CHRNA7: variants seen among roughly 807,000 people sequenced by gnomAD.
CHRNA7 encodes the protein cholinergic receptor nicotinic alpha 7 subunit, also known as neuronal acetylcholine receptor subunit alpha-7.
In CHRNA7, 17 loss-of-function variants were observed where a neutral mutation model predicts 48.0. That is an observed-to-expected ratio of 0.35 (90% CI 0.24 to 0.53). The LOEUF (loss-of-function observed/expected upper bound fraction) is 0.53. Among genes scored for constraint, CHRNA7 ranks in the 20% least tolerant of loss-of-function variants. The pLI, the probability that CHRNA7 is intolerant of heterozygous loss-of-function variation, is 0.92. For missense variants in CHRNA7, 155 were observed against 577.7 expected (o/e 0.27, Z 7.50); for synonymous variants, 75 against 242.3 (o/e 0.31, Z 6.41).
In CHRNA7 at chr15:32,111,779, G is replaced by T. The variant is rs1365914503; in HGVS notation, c.241-11G>T. ...GAAGTGAAGTGCTGCTAATGTCATT[G>T]TGTGTGTCAGTCTTGGACAGATCAC... On this transcript the variant is annotated splice_polypyrimidine_tract_variant and intron_variant, in intron 3 of 9. Transcript: ENST00000306901. The T allele has an allele frequency of 1.3e-6, 2 of 1,531,114 alleles. No individual in the cohort carries two copies. 94.8% of individuals were successfully genotyped at this position (1,531,114 alleles called of 1,614,324 possible).
chr15:32,076,211 C>T (rs2050133961), intron 2 of CHRNA7, among the ~76,000 whole-genome samples: 1 of 152,068 alleles, frequency 6.6e-6, no homozygotes. Flanking sequence ...TTGTCTGTAT[C>T]CTTGCTGATT....
At chr15:32,142,739 G>T (rs1366321951) in intron 4 of CHRNA7, among the ~76,000 whole-genome samples, 1 of 152,090 alleles carries the variant, frequency 6.6e-6, no homozygotes, top group Admixed American at 6.5e-5. Context: ...ACAGTATTTT[G>T]TATTTCTGTG....
chr15:32,135,261 A>T (rs1049150345), intron 4 of CHRNA7, among the ~76,000 whole-genome samples: 1 of 152,238 alleles, frequency 6.6e-6, no homozygotes, highest in African/African-American at 2.4e-5. Flanking sequence ...TTATTTTCAG[A>T]AAACAGGTAA....
At chr15:32,031,615 C>G (rs896247970) in intron 2 of CHRNA7, among the ~76,000 whole-genome samples, 1 of 152,176 alleles carries the variant, frequency 6.6e-6, no homozygotes, top group Non-Finnish European at 1.5e-5. Flanking sequence ...GAGTCCTGCT[C>G]CGAGGACTCA....
At chr15:32,139,345 A>G (rs1467710961) in intron 4 of CHRNA7, among the ~76,000 whole-genome samples, 3 of 152,252 alleles carry the variant, frequency 2.0e-5, no homozygotes, top group Non-Finnish European at 2.9e-5. Context: ...TTTCTGTGTG[A>G]ACACACGTTT....
At chr15:32,102,137 T>G (rs1383903679) in intron 3 of CHRNA7, 2 of 152,152 alleles carry the variant, frequency 1.3e-5, no homozygotes, top group African/African-American at 4.8e-5. Context: ...TTTGTTTGTT[T>G]GTTTGTTCGT....
chr15:32,119,695 A>G (rs796410662), intron 4 of CHRNA7, among the ~76,000 whole-genome samples: 2 of 151,968 alleles, frequency 1.3e-5, no homozygotes, highest in African/African-American at 4.8e-5. Context: ...CCATCAGGTG[A>G]TTTTGTCCAG....
At chr15:32,051,231 G>A (rs2049668528) in intron 2 of CHRNA7, among the ~76,000 whole-genome samples, 1 of 151,772 alleles carries the variant, frequency 6.6e-6, no homozygotes, top group Non-Finnish European at 1.5e-5. Context: ...CTTTTTGTTT[G>A]TCTGTGCCCT....
chr15:32,073,341 A>G (rs796537772), intron 2 of CHRNA7, among the ~76,000 whole-genome samples: 5 of 152,352 alleles, frequency 3.3e-5, no homozygotes, highest in African/African-American at 1.2e-4. Flanking sequence ...TGTTTACCAA[A>G]TGCCTGTACC....
At chr15:32,120,731 G>A (rs2050954111) in intron 4 of CHRNA7, among the ~76,000 whole-genome samples, 1 of 152,104 alleles carries the variant, frequency 6.6e-6, no homozygotes, top group Admixed American at 6.5e-5. Flanking sequence ...CCAGTCCACG[G>A]AGCAGCTCCC....
intron 4 of CHRNA7, among the ~76,000 whole-genome samples, chr15:32,137,032 AAAAAAAAAAAAAAAG>A (rs1288088917): frequency 1.9e-5 from 1 of 52,756 alleles, no homozygotes; most frequent in Non-Finnish European, 3.5e-5. Flanking sequence ...ACTCCGTCTC[AAAAAAAAAAAAAAAG>A]AAAAAAAAAA....
At chr15:32,037,322 A>C (rs1448916372) in intron 2 of CHRNA7, among the ~76,000 whole-genome samples, 1 of 152,178 alleles carries the variant, frequency 6.6e-6, no homozygotes, top group Non-Finnish European at 1.5e-5. Flanking sequence ...CACAGTCTTG[A>C]TTACTATAGC....
chr15:32,039,339 A>T (rs1360739368), intron 2 of CHRNA7, among the ~76,000 whole-genome samples: 5 of 152,112 alleles, frequency 3.3e-5, no homozygotes, highest in African/African-American at 1.2e-4. Context: ...CTAAAGTAGA[A>T]GCTTAGAATA....
chr15:32,045,208 GTTTTT>G (rs2049519401), intron 2 of CHRNA7, among the ~76,000 whole-genome samples: 3 of 152,178 alleles, frequency 2.0e-5, no homozygotes, highest in South Asian at 4.2e-4. Flanking sequence ...TTGTGCCTCT[GTTTTT>G]ATTAGTGATG....
intron 4 of CHRNA7, among the ~76,000 whole-genome samples, chr15:32,127,443 A>G (rs1225517594): frequency 6.6e-6 from 1 of 152,122 alleles, no homozygotes; most frequent in Non-Finnish European, 1.5e-5. Flanking sequence ...GTAATTCCGC[A>G]TCCTCCCCAG....
At chr15:32,129,918 G>A (rs757211491) in intron 4 of CHRNA7, among the ~76,000 whole-genome samples, 8 of 151,864 alleles carry the variant, frequency 5.3e-5, no homozygotes, top group Non-Finnish European at 1.2e-4. Flanking sequence ...ATTCAGTTCA[G>A]TGTATTTTTT....
intron 2 of CHRNA7, among the ~76,000 whole-genome samples, chr15:32,078,574 C>T (rs543077780): frequency 5.3e-5 from 8 of 151,676 alleles, no homozygotes; most frequent in Middle Eastern, 3.4e-3. Flanking sequence ...CACATACACC[C>T]TCCCAAGACT....
rs1901801592 is a variant in CHRNA7 at position 32,030,947 on chromosome 15, G to A, written c.105G>A (p.Lys35=). ...FQRKLYKELV[K]NYNPLERPVA... is the part of the protein sequence containing the mutation. ...GGAAGCTTTACAAGGAGCTGGTCAAGAACTACAATCCCTTGGAGAGGCCCG... is the reference window on the plus strand; with the variant it reads ...GGAAGCTTTACAAGGAGCTGGTCAAAAACTACAATCCCTTGGAGAGGCCCG... Residue 35 remains lysine, a synonymous_variant, in exon 2 of 10, where the codon AAG becomes AAA. Coordinates refer to ENST00000306901, the MANE Select transcript of CHRNA7 (RefSeq NM_000746.6). The A allele has an allele frequency of 6.2e-7, 1 of 1,614,088 alleles. No individual in the cohort carries two copies. The highest frequency in any genetic ancestry group is 1.1e-5 in the South Asian group (1 of 91,088).
intron 4 of CHRNA7, among the ~76,000 whole-genome samples, chr15:32,134,763 C>A (rs914840988): frequency 6.6e-6 from 1 of 152,014 alleles, no homozygotes; most frequent in Non-Finnish European, 1.5e-5. Flanking sequence ...ATGAGAGAAA[C>A]CCTTTAAAAA....
Sources: allele counts gnomAD v4.1 joint callset (sites outside exome capture counted in the v4.1 genomes callset), GRCh38; gene constraint gnomAD v4.1.1; transcripts MANE v1.5; gene names NCBI Gene and HGNC (gene_info 2026-07-23, HGNC 2026-07-21).